Variants in HS3ST3A1 observed in about 807,000 individuals in gnomAD.
HS3ST3A1 encodes heparan sulfate-glucosamine 3-sulfotransferase 3A1.
A neutral mutation model predicts 25.7 loss-of-function variants in HS3ST3A1; 19 were observed. That is an observed-to-expected ratio of 0.74 (90% confidence interval 0.52 to 1.08). The LOEUF is 1.08. HS3ST3A1 is among the 50% of genes least tolerant of loss of function. The pLI, the probability that HS3ST3A1 is intolerant of heterozygous loss-of-function variation, is 0.00. For synonymous variants in HS3ST3A1, 226 were observed against 278.6 expected, an observed-to-expected ratio of 0.81 and a Z score of 1.88; for missense variants, 459 against 594.3, an observed-to-expected ratio of 0.77 and a Z score of 2.37.
chr17:13,497,701 C>T (rs1161994401), intron 1 of HS3ST3A1, among the ~76,000 whole-genome samples: 1 of 152,214 alleles, frequency 6.6e-6, no homozygotes, highest in African/African-American at 2.4e-5. Context: ...GTTCTTCCAA[C>T]TTAAGTATAC....
rs757547849 is a variant in HS3ST3A1 at position 13,601,113 on chromosome 17, G to A, written c.17C>T (p.Pro6Leu). Residue 6 changes from proline (P) to leucine (L), a missense_variant, in exon 1 of 2, where the codon CCG becomes CTG. Transcript: ENST00000284110. ...GGCCGAGGTGGAGAGGGCACTGGCCGGGCCCGGAGGGGCCATCCTAGCCGG... is the reference window on the plus strand; with the variant it reads ...GGCCGAGGTGGAGAGGGCACTGGCCAGGCCCGGAGGGGCCATCCTAGCCGG... Reference protein sequence around the residue: MAPPGPASALSTSAEP... With the variant: MAPPGLASALSTSAEP... 21 of 1,563,028 alleles carry A rather than the reference G, an allele frequency of 1.3e-5. No individual in the cohort carries two copies. The highest frequency in any genetic ancestry group is 5.6e-5 in the Admixed American group (3 of 53,612).
intron 1 of HS3ST3A1, among the ~76,000 whole-genome samples, chr17:13,577,902 T>C (rs188121510): frequency 1.3e-3 from 185 of 143,994 alleles, no homozygotes; most frequent in African/African-American, 4.2e-3. Flanking sequence ...AAAGAATTCT[T>C]AGAATAGCTC....
At chr17:13,528,111 G>T (rs8077058) in intron 1 of HS3ST3A1, among the ~76,000 whole-genome samples, 4,837 of 152,206 alleles carry the variant, frequency 0.032, 247 homozygotes, top group African/African-American at 0.11. Context: ...ATTCAGAATG[G>T]ATCATACAGT....
rs767300684 is a variant in HS3ST3A1, at chr17:13,600,755, G to A, written c.375C>T (p.Gly125=). The A allele has an allele frequency of 8.6e-6, 13 of 1,515,368 alleles. No individual in the cohort carries two copies. Among genetic ancestry groups the A allele is most frequent in the Non-Finnish European group, 1.1e-5 (13 of 1,138,864 alleles). The allele number at this position is 1,515,368 out of a possible 1,614,324, so 93.9% of individuals were successfully genotyped here. A position where few individuals can be genotyped will look rare whatever the true frequency, so the allele number is the denominator to read the frequency against. ...CCACGGTGCTTCCGGCCCCGGAGCC[G>A]CCCGGACCCCCTGACAGGCCAGGGG... ...EESPGLSGGP[G]GSGAGSTVAE... is the part of the protein sequence containing the mutation. Residue 125 remains glycine, a synonymous_variant, in exon 1 of 2, where the codon GGC becomes GGT. Coordinates refer to ENST00000284110, the MANE Select transcript of HS3ST3A1 (RefSeq NM_006042.3).
At chr17:13,552,894 G>C (rs185347066) in intron 1 of HS3ST3A1, among the ~76,000 whole-genome samples, 2 of 152,186 alleles carry the variant, frequency 1.3e-5, no homozygotes, top group East Asian at 3.9e-4. Context: ...ATCAAGTCAA[G>C]AACTTCTTCC....
intron 1 of HS3ST3A1, among the ~76,000 whole-genome samples, chr17:13,513,023 T>A (rs1209490866): frequency 6.6e-6 from 1 of 152,204 alleles, no homozygotes; most frequent in Non-Finnish European, 1.5e-5. Context: ...GTTTATTAGC[T>A]TGATTCATAA....
At chr17:13,535,078 C>T (rs1260277072) in intron 1 of HS3ST3A1, among the ~76,000 whole-genome samples, 1 of 151,358 alleles carries the variant, frequency 6.6e-6, no homozygotes, top group African/African-American at 2.5e-5. Context: ...TTAGTGAATA[C>T]TGAACCAATG....
At chr17:13,542,809 G>C (rs762904957) in intron 1 of HS3ST3A1, among the ~76,000 whole-genome samples, 13 of 152,064 alleles carry the variant, frequency 8.5e-5, no homozygotes, top group Non-Finnish European at 8.8e-5. Context: ...TGTAATTAGA[G>C]GGTTGAAACT....
intron 1 of HS3ST3A1, among the ~76,000 whole-genome samples, chr17:13,585,034 T>C (rs760063880): frequency 1.3e-5 from 2 of 152,080 alleles, no homozygotes; most frequent in Admixed American, 6.6e-5. Context: ...ATCCTTTCTG[T>C]AGTATTTGAT....
intron 1 of HS3ST3A1, among the ~76,000 whole-genome samples, chr17:13,524,362 A>G (rs545205724): frequency 1.9e-3 from 291 of 152,150 alleles, no homozygotes; most frequent in Non-Finnish European, 3.3e-3. Context: ...GGCTCAAGCG[A>G]TCCTCCTGAG....
intron 1 of HS3ST3A1, among the ~76,000 whole-genome samples, chr17:13,574,221 C>T (rs1907891514): frequency 6.6e-6 from 1 of 151,110 alleles, no homozygotes; most frequent in Non-Finnish European, 1.5e-5. Flanking sequence ...GCAACCTCCA[C>T]CTCCCGGGTT....
intron 1 of HS3ST3A1, among the ~76,000 whole-genome samples, chr17:13,502,247 A>G (rs180759392): frequency 1.3e-5 from 2 of 152,188 alleles, no homozygotes; most frequent in African/African-American, 4.8e-5. Context: ...CCCAGCCTTC[A>G]ACCAGGTCAG....
At chr17:13,583,574 C>T (rs972517588) in intron 1 of HS3ST3A1, among the ~76,000 whole-genome samples, 6 of 152,126 alleles carry the variant, frequency 3.9e-5, no homozygotes, top group African/African-American at 7.2e-5. Context: ...CCCCTTAACA[C>T]GTCACCATGC....
chr17:13,600,420 T>C, intron 1 of HS3ST3A1, 111 bp downstream of exon 1: 1 of 1,410,794 alleles, frequency 7.1e-7, no homozygotes. Context: ...CTTCGCCTTC[T>C]GCATGAAGTG....
At chr17:13,594,645 G>C (rs1266333869) in intron 1 of HS3ST3A1, among the ~76,000 whole-genome samples, 1 of 151,846 alleles carries the variant, frequency 6.6e-6, no homozygotes. Context: ...TTCAGTCATA[G>C]GCATTTTTAA....
intron 1 of HS3ST3A1, among the ~76,000 whole-genome samples, chr17:13,589,171 T>C (rs1030538383): frequency 1.3e-5 from 2 of 152,214 alleles, no homozygotes; most frequent in Admixed American, 1.3e-4. Context: ...GTTTTTAATA[T>C]GTAAATTCTT....
intron 1 of HS3ST3A1, among the ~76,000 whole-genome samples, chr17:13,592,893 T>A (rs146366983): frequency 1.1e-3 from 168 of 151,964 alleles, no homozygotes; most frequent in African/African-American, 3.9e-3. Flanking sequence ...GCTGGGAGTC[T>A]GGCTGAGCAG....
chr17:13,496,632 G>A lies in HS3ST3A1; in HGVS notation c.786C>T (p.Asp262=). The change falls in exon 2 of 2, where the codon GAC becomes GAT. Residue 262 remains aspartate (D), a synonymous_variant. Transcript: ENST00000284110. Reference sequence around the variant, plus strand: ...ACGTCAAGCTCTCGAAGGTGGGGATGTCGGGCCGCTTGGACAGCGTCTGCG... The same window carrying A: ...ACGTCAAGCTCTCGAAGGTGGGGATATCGGGCCGCTTGGACAGCGTCTGCG... ...DYTQTLSKRP[D]IPTFESLTFK... 6.2e-7 allele frequency: 1 copy of A among 1,612,910 alleles called. No individual in the cohort carries two copies. Among genetic ancestry groups the A allele is most frequent in the Non-Finnish European group, 8.5e-7 (1 of 1,179,598 alleles).
chr17:13,530,608 C>T (rs971793951), intron 1 of HS3ST3A1, among the ~76,000 whole-genome samples: 1 of 150,896 alleles, frequency 6.6e-6, no homozygotes, highest in African/African-American at 2.5e-5. Flanking sequence ...GGTTATGAAA[C>T]AAAATAGATT....
Sources: allele counts gnomAD v4.1 joint callset (sites outside exome capture counted in the v4.1 genomes callset), GRCh38; gene constraint gnomAD v4.1.1; transcripts MANE v1.5; gene names NCBI Gene and HGNC (gene_info 2026-07-23, HGNC 2026-07-21).